Variants in CERT1 observed in about 807,000 individuals in gnomAD.
The protein encoded by CERT1 is ceramide transfer protein.
CERT1 carries 31 observed loss-of-function variants against 87.9 expected under a neutral mutation model. That is an observed-to-expected ratio of 0.35 (90% CI 0.27 to 0.48). The LOEUF is 0.48. Among genes scored for constraint, CERT1 ranks in the 20% least tolerant of loss-of-function variants. The pLI, the probability that CERT1 is intolerant of heterozygous loss-of-function variation, is 0.99. For missense variants in CERT1, 487 were observed against 758.0 expected (o/e 0.64, Z 4.20); for synonymous variants, 289 against 250.9 (o/e 1.15, Z -1.44).
At chr5:75,493,424 C>T (rs1444871551) in intron 2 of CERT1, among the ~76,000 whole-genome samples, 1 of 152,178 alleles carries the variant, frequency 6.6e-6, no homozygotes. Flanking sequence ...TCCTTATACT[C>T]GCTTGGTGAT....
chr5:75,437,340 C>A (rs1328868698), intron 3 of CERT1, among the ~76,000 whole-genome samples: 7 of 152,098 alleles, frequency 4.6e-5, no homozygotes, highest in African/African-American at 1.7e-4. Flanking sequence ...TCAGCAAAAT[C>A]GATGCAACAC....
intron 2 of CERT1, among the ~76,000 whole-genome samples, chr5:75,483,893 G>A (rs944825087): frequency 2.6e-5 from 4 of 151,586 alleles, no homozygotes; most frequent in Non-Finnish European, 5.9e-5. Context: ...ATCATCTGAA[G>A]TTACAAAAAT....
Position 75,419,332 on chromosome 5 carries a change from A to G in CERT1, c.679+9T>C. 3 of 1,578,246 alleles carry G rather than the reference A, an allele frequency of 1.9e-6. No homozygotes were observed. The highest frequency in any genetic ancestry group is 2.6e-6 in the Non-Finnish European group (3 of 1,151,700). On this transcript the variant is annotated intron_variant, in intron 6 of 16. Transcript: ENST00000643780. Reference sequence around the variant, plus strand: ...TTTATCCAGCTGAGGGGAAAAATGTATTACTTACACTTTTCTTTATTGCCG... The same window carrying G: ...TTTATCCAGCTGAGGGGAAAAATGTGTTACTTACACTTTTCTTTATTGCCG...
intron 6 of CERT1, 63 bp downstream of exon 6, chr5:75,419,278 G>T: frequency 9.5e-7 from 1 of 1,048,214 alleles, no homozygotes; most frequent in Non-Finnish European, 1.4e-6. Context: ...TATTTCTTGT[G>T]AGTTGTTACA....
intron 2 of CERT1, among the ~76,000 whole-genome samples, chr5:75,500,659 T>C (rs149799316): frequency 6.6e-6 from 1 of 152,320 alleles, no homozygotes; most frequent in African/African-American, 2.4e-5. Flanking sequence ...CTAGTGCTTT[T>C]ATTTGCTGCA....
chr5:75,382,897 G>C (rs1761645249), intron 14 of CERT1, among the ~76,000 whole-genome samples: 1 of 151,782 alleles, frequency 6.6e-6, no homozygotes, highest in South Asian at 2.1e-4. Flanking sequence ...ATGAAGATTT[G>C]GCAAATTTAG....
intron 11 of CERT1, among the ~76,000 whole-genome samples, chr5:75,395,823 C>G (rs532437293): frequency 6.6e-6 from 1 of 152,012 alleles, no homozygotes; most frequent in African/African-American, 2.4e-5. Context: ...GCACTACAGC[C>G]TGGGTGACAG....
intron 2 of CERT1, among the ~76,000 whole-genome samples, chr5:75,495,597 C>T (rs1312244341): frequency 6.6e-6 from 1 of 152,002 alleles, no homozygotes; most frequent in African/African-American, 2.4e-5. Context: ...GCCTACACAG[C>T]ACTCACTCAA....
At chr5:75,408,679 G>A (rs1762809593) in intron 8 of CERT1, among the ~76,000 whole-genome samples, 1 of 151,944 alleles carries the variant, frequency 6.6e-6, no homozygotes, top group South Asian at 2.1e-4. Flanking sequence ...TTGGTATAAT[G>A]TTCACTATTT....
intron 15 of CERT1, 24 bp from the exon 16 acceptor site, chr5:75,381,225 T>C (rs750770297): frequency 2.2e-5 from 36 of 1,613,656 alleles, no homozygotes; most frequent in Non-Finnish European, 3.1e-5. Context: ...AAACAAAGCA[T>C]CAGTAGATAC....
chr5:75,501,162 T>C (rs530149900), intron 2 of CERT1, among the ~76,000 whole-genome samples: 2 of 152,254 alleles, frequency 1.3e-5, no homozygotes, highest in South Asian at 2.1e-4. Flanking sequence ...GTGTATTTTT[T>C]TGATGTAGAG....
intron 3 of CERT1, among the ~76,000 whole-genome samples, chr5:75,433,898 A>T (rs990135088): frequency 2.0e-5 from 3 of 152,168 alleles, no homozygotes; most frequent in African/African-American, 7.2e-5. Flanking sequence ...GGCAGAGACT[A>T]TGGGGTTTTC....
At chr5:75,435,317 T>A (rs888485301) in intron 3 of CERT1, among the ~76,000 whole-genome samples, 2 of 152,230 alleles carry the variant, frequency 1.3e-5, no homozygotes, top group African/African-American at 4.8e-5. Context: ...GGCTATGTCA[T>A]CTTTCAACCC....
At chr5:75,481,019 C>T (rs1032084562) in intron 2 of CERT1, among the ~76,000 whole-genome samples, 18 of 152,234 alleles carry the variant, frequency 1.2e-4, no homozygotes, top group South Asian at 2.1e-4. Context: ...TCCTGTTGCA[C>T]GGATCAAATC....
intron 13 of CERT1, among the ~76,000 whole-genome samples, chr5:75,385,578 A>T (rs909132869): frequency 2.0e-5 from 3 of 152,248 alleles, no homozygotes; most frequent in African/African-American, 7.2e-5. Flanking sequence ...CTTCAATTTC[A>T]GTCTTGGCTT....
At position 75,424,786 on chromosome 5, in the gene CERT1, A is replaced by G. The variant is rs75944831; in HGVS notation, c.595+575T>C. Among the ~76,000 whole-genome samples, 1,121 of 152,272 alleles carry G rather than the reference A, an allele frequency of 7.4e-3. 7 individuals are homozygous for G. Among genetic ancestry groups the G allele is most frequent in the South Asian group, 0.016 (77 of 4,818 alleles). On this transcript the variant is annotated intron_variant, in intron 5 of 16. Coordinates refer to ENST00000643780, the MANE Select transcript of CERT1 (RefSeq NM_001379029.1). ...AAATGATCCATAATACCAAGATAAT[A>G]GATATCATTTTTTAATGGAATAAAG...
chr5:75,464,812 AC>A (rs1325089950), intron 2 of CERT1, among the ~76,000 whole-genome samples: 1 of 152,114 alleles, frequency 6.6e-6, no homozygotes, highest in Non-Finnish European at 1.5e-5. Context: ...TCCTGGACTC[AC>A]ACAACCCATC....
At chr5:75,427,457 G>A (rs1369102672) in intron 3 of CERT1, among the ~76,000 whole-genome samples, 2 of 152,082 alleles carry the variant, frequency 1.3e-5, no homozygotes, top group Non-Finnish European at 2.9e-5. Context: ...AAATTAGCCG[G>A]GCATGGTGGC....
At chr5:75,381,869 C>T in intron 15 of CERT1, 80 bp downstream of exon 15, 6 of 1,262,596 alleles carry the variant, frequency 4.8e-6, no homozygotes, top group Non-Finnish European at 5.6e-6. Flanking sequence ...AGTGTATGGG[C>T]TGTGTTTATC....
Sources: allele counts gnomAD v4.1 joint callset (sites outside exome capture counted in the v4.1 genomes callset), GRCh38; gene constraint gnomAD v4.1.1; transcripts MANE v1.5; gene names NCBI Gene and HGNC (gene_info 2026-07-23, HGNC 2026-07-21).